ETV6: variants seen among roughly 807,000 people sequenced by gnomAD.
The protein encoded by ETV6 is ETS variant transcription factor 6, also known as transcription factor ETV6.
ETV6 carries 16 observed loss-of-function variants against 51.1 expected under a neutral mutation model. That is an observed-to-expected ratio of 0.31 (90% CI 0.21 to 0.48). ETV6 has a LOEUF of 0.48. ETV6 is among the 20% of genes least tolerant of loss of function. The pLI is 0.99. For synonymous variants in ETV6, 240 were observed against 224.1 expected (o/e 1.07, Z -0.64); for missense variants, 458 against 594.8 (o/e 0.77, Z 2.39).
chr12:11,802,799 T>C (rs944104151), intron 2 of ETV6, among the ~76,000 whole-genome samples: 7 of 152,236 alleles, frequency 4.6e-5, no homozygotes, highest in African/African-American at 9.6e-5. Context: ...GTCTCCAATG[T>C]TGGGAATTCC....
intron 2 of ETV6, among the ~76,000 whole-genome samples, chr12:11,784,408 G>A (rs187135979): frequency 5.3e-5 from 8 of 149,976 alleles, no homozygotes; most frequent in Middle Eastern, 3.4e-3. Flanking sequence ...GCAGTGAGCC[G>A]AGATCACGCC....
At chr12:11,660,577 C>T (rs548002332) in intron 1 of ETV6, among the ~76,000 whole-genome samples, 6 of 109,806 alleles carry the variant, frequency 5.5e-5, no homozygotes, top group African/African-American at 1.5e-4. Flanking sequence ...CCAGCCTGGG[C>T]GACAGAGTGA....
intron 2 of ETV6, among the ~76,000 whole-genome samples, chr12:11,759,787 G>A (rs868143759): frequency 1.3e-4 from 19 of 151,942 alleles, no homozygotes; most frequent in Admixed American, 5.2e-4. Flanking sequence ...GCTTGAATGT[G>A]CTTCTCTAAG....
chr12:11,888,398 CTTT>C (rs1555148147), intron 7 of ETV6, among the ~76,000 whole-genome samples: 26 of 80,684 alleles, frequency 3.2e-4, no homozygotes, highest in African/African-American at 7.1e-4. Context: ...CTTTTCTTTT[CTTT>C]TTTTTTTTTT....
chr12:11,722,560 A>G (rs1441048055), intron 1 of ETV6, among the ~76,000 whole-genome samples: 1 of 152,202 alleles, frequency 6.6e-6, no homozygotes, highest in Non-Finnish European at 1.5e-5. Flanking sequence ...AAGGAGTTAA[A>G]CTATTCTAAG....
chr12:11,738,279 C>T (rs1865745167), intron 1 of ETV6, among the ~76,000 whole-genome samples: 1 of 144,442 alleles, frequency 6.9e-6, no homozygotes, highest in South Asian at 2.3e-4. Context: ...TTCTCTTTCT[C>T]TCTCTCTCTG....
chr12:11,717,135 T>C (rs1865293357), intron 1 of ETV6, among the ~76,000 whole-genome samples: 1 of 152,190 alleles, frequency 6.6e-6, no homozygotes. Context: ...TCCTGCATCG[T>C]ATATGTTAAT....
intron 3 of ETV6, among the ~76,000 whole-genome samples, chr12:11,851,346 T>C (rs946542831): frequency 3.2e-4 from 48 of 152,134 alleles, no homozygotes; most frequent in Non-Finnish European, 4.6e-4. Flanking sequence ...TGTGAGGCCC[T>C]GTAAATTAGC....
intron 1 of ETV6, among the ~76,000 whole-genome samples, chr12:11,694,934 A>G (rs906312810): frequency 5.9e-5 from 9 of 152,178 alleles, no homozygotes; most frequent in Non-Finnish European, 1.5e-5. Flanking sequence ...CGTGTGATTT[A>G]AAAAAACAAA....
chr12:11,869,495 T>C lies in ETV6; in HGVS notation c.535T>C (p.Leu179=), dbSNP rs140772322. The C allele has an allele frequency of 5.6e-6, 9 of 1,614,020 alleles. No homozygotes were observed. The African/African-American group carries it at 8.0e-5, about 14-fold the overall frequency. Residue 179 remains leucine, a synonymous_variant, in exon 5 of 8, where the codon TTG becomes CTG. Transcript: ENST00000396373. The surrounding 1 kb of genome is among the most constrained non-coding windows in gnomAD (Gnocchi z 5.0). ...VHHNPPTIEL[L]HRSRSPITTN... ...CCATAACCCTCCCACCATTGAACTG[T>C]TGCACCGCTCCAGGTCACCTATCAC... is the stretch of plus-strand genomic sequence containing the variant.
chr12:11,885,195 G>A (rs1200077971), intron 6 of ETV6, among the ~76,000 whole-genome samples: 1 of 152,194 alleles, frequency 6.6e-6, no homozygotes, highest in East Asian at 1.9e-4. Flanking sequence ...TCGATAGGTG[G>A]ACCTGAAGCA....
intron 2 of ETV6, among the ~76,000 whole-genome samples, chr12:11,777,747 G>A (rs1307454794): frequency 6.7e-6 from 1 of 148,450 alleles, no homozygotes. Context: ...CCTTCCCCCT[G>A]ACCCACCTCC....
chr12:11,807,049 C>G (rs978717542), intron 2 of ETV6, among the ~76,000 whole-genome samples: 2 of 152,226 alleles, frequency 1.3e-5, no homozygotes, highest in African/African-American at 2.4e-5. Context: ...AGAATTCATT[C>G]TAGGTTTTAA....
At chr12:11,684,482 TAGAG>T (rs954323182) in intron 1 of ETV6, among the ~76,000 whole-genome samples, 1 of 152,260 alleles carries the variant, frequency 6.6e-6, no homozygotes, top group African/African-American at 2.4e-5. Context: ...AAGATTTTAT[TAGAG>T]AAACTTCCAC....
At chr12:11,730,444 C>T (rs1027364178) in intron 1 of ETV6, among the ~76,000 whole-genome samples, 1 of 152,218 alleles carries the variant, frequency 6.6e-6, no homozygotes, top group African/African-American at 2.4e-5. Flanking sequence ...TTGTAGTGTG[C>T]ACAAAGGTGC....
chr12:11,732,999 G>A (rs1045006765), intron 1 of ETV6, among the ~76,000 whole-genome samples: 1 of 152,158 alleles, frequency 6.6e-6, no homozygotes, highest in African/African-American at 2.4e-5. Flanking sequence ...GCACCACTGT[G>A]TGACATTGGG....
At chr12:11,699,047 A>G (rs1355818473) in intron 1 of ETV6, among the ~76,000 whole-genome samples, 2 of 152,222 alleles carry the variant, frequency 1.3e-5, no homozygotes, top group Non-Finnish European at 2.9e-5. Flanking sequence ...CGATGCTGCC[A>G]TGTTCAGGAT....
Position 11,865,809 on chromosome 12 carries a change from T to C in ETV6, c.464-3615T>C, listed in dbSNP as rs565252519. 4.0e-5 allele frequency among the ~76,000 whole-genome samples: 6 copies of C among 151,752 alleles called. No homozygotes were observed. In the South Asian group the frequency reaches 1.0e-3, roughly 26 times the overall value. On this transcript the variant is annotated intron_variant, in intron 4 of 7. Coordinates refer to ENST00000396373, the MANE Select transcript of ETV6 (RefSeq NM_001987.5). The stretch of plus-strand genomic sequence containing the variant: ...CTGGTTGCTTTCAAGATTTTCTCTT[T>C]ATTTTTGGTTTTCAGCAGTTTGACT...
chr12:11,821,376 AGAAAG>A, intron 2 of ETV6, among the ~76,000 whole-genome samples: 1 of 152,192 alleles, frequency 6.6e-6, no homozygotes, highest in South Asian at 2.1e-4. Flanking sequence ...AAAAAAATAA[AGAAAG>A]AAAGAAGAAA....
Sources: gnomAD v4.1 joint callset for allele counts (sites outside exome capture counted in the v4.1 genomes callset) on GRCh38, gnomAD v4.1.1 for gene constraint, Gnocchi (gnomAD v3.1) non-coding constraint, MANE v1.5 for transcripts, NCBI Gene and HGNC (gene_info 2026-07-23, HGNC 2026-07-21) for gene names.